Variants in AFF3 observed in about 807,000 individuals in gnomAD.
The protein encoded by AFF3 is ALF transcription elongation factor 3.
AFF3 carries 32 observed loss-of-function variants against 129.7 expected under a neutral mutation model. The ratio of observed to expected loss-of-function variants is 0.25; its 90% CI spans 0.19 to 0.33. The LOEUF (loss-of-function observed/expected upper bound fraction) is 0.33, where lower values mean the gene tolerates loss of function less well. Among genes scored for constraint, AFF3 ranks in the 10% least tolerant of loss-of-function variants. The pLI is 1.00. For missense variants in AFF3, 1,373 were observed against 1,592.0 expected (o/e 0.86, Z 2.34); for synonymous variants, 644 against 635.4 (o/e 1.01, Z -0.20).
intron 10 of AFF3, among the ~76,000 whole-genome samples, chr2:99,731,787 T>C (rs973873380): frequency 4.6e-5 from 7 of 152,226 alleles, no homozygotes; most frequent in African/African-American, 1.7e-4. Context: ...TGAGTGCAAA[T>C]GTTCCCGACA....
At chr2:99,997,023 C>T (rs1318603004) in intron 7 of AFF3, among the ~76,000 whole-genome samples, 2 of 152,138 alleles carry the variant, frequency 1.3e-5, no homozygotes, top group Non-Finnish European at 2.9e-5. Context: ...TCCTTCTCAT[C>T]AGACTGACCC....
In AFF3 at chr2:99,593,936, C is replaced by T. The variant is rs761191360; in HGVS notation, c.1725G>A (p.Ala575=). ...PAVPCAPAEN[A]PAPARRSAGK... ...CCGCGGACCTCCGGGCAGGCGCGGG[C>T]GCGTTCTCCGCGGGCGCACAGGGCA... Residue 575 remains alanine (A), a synonymous_variant, in exon 15 of 25, where the codon GCG becomes GCA. Transcript: ENST00000672756. The T allele has an allele frequency of 1.4e-6, 2 of 1,410,246 alleles. No individual in the cohort carries two copies. Among genetic ancestry groups the T allele is most frequent in the South Asian group, 1.6e-5 (1 of 62,846 alleles). 87.4% of individuals were successfully genotyped at this position (1,410,246 alleles called of 1,614,324 possible).
chr2:100,103,365 A>T (rs998666653), intron 4 of AFF3, among the ~76,000 whole-genome samples: 3 of 151,854 alleles, frequency 2.0e-5, no homozygotes, highest in African/African-American at 7.3e-5. Flanking sequence ...AGCGATTACC[A>T]GAGGCAGAAC....
rs534510640 is a variant in AFF3 at position 99,895,128 on chromosome 2, G to A, written c.874-57604C>T. ...TGTATAAGAAAGCACTGGGGTTGTT[G>A]ACAGTTTTTCTGTATATGAGTTGAT... On this transcript the variant is annotated intron_variant, in intron 7 of 24. Coordinates refer to ENST00000672756, the MANE Select transcript of AFF3 (RefSeq NM_001386135.1). Among the ~76,000 whole-genome samples, 4 of 152,284 alleles carry A rather than the reference G, an allele frequency of 2.6e-5. 1 individual carries two copies. In the South Asian group the frequency reaches 8.3e-4, roughly 32 times the overall value.
intron 7 of AFF3, among the ~76,000 whole-genome samples, chr2:99,896,586 G>A (rs1394880615): frequency 1.3e-5 from 1 of 77,286 alleles, no homozygotes; most frequent in Non-Finnish European, 2.6e-5. Flanking sequence ...TAGTCAAGAT[G>A]TTTCATTTGA....
chr2:99,961,719 G>A (rs1268617947), intron 7 of AFF3, among the ~76,000 whole-genome samples: 2 of 152,186 alleles, frequency 1.3e-5, no homozygotes, highest in African/African-American at 4.8e-5. Context: ...AAAGAGTAAG[G>A]TAAACTAGTC....
intron 7 of AFF3, among the ~76,000 whole-genome samples, chr2:99,993,325 A>G (rs1445024628): frequency 1.3e-5 from 2 of 152,342 alleles, no homozygotes; most frequent in East Asian, 3.9e-4. Context: ...ATAAGCAAAG[A>G]AAAGTTTAAT....
chr2:99,951,682 G>C (rs542780123), intron 7 of AFF3, among the ~76,000 whole-genome samples: 1 of 152,214 alleles, frequency 6.6e-6, no homozygotes, highest in South Asian at 2.1e-4. Context: ...TTTCACTCTT[G>C]TCCCCCAGGC....
Position 99,695,604 on chromosome 2 carries a change from C to T in AFF3, c.1092-23015G>A, listed in dbSNP as rs554996376. ...AGCCACCACAGTCAGGGCTGCCACA[C>T]AGGACAGACAGGGAGGGGCCGCCCT... is the stretch of plus-strand genomic sequence containing the variant. On this transcript the variant is annotated intron_variant, in intron 11 of 24. Coordinates refer to ENST00000672756, the MANE Select transcript of AFF3 (RefSeq NM_001386135.1). 2.6e-5 allele frequency among the ~76,000 whole-genome samples: 4 copies of T among 152,276 alleles called. No homozygotes were observed. In the East Asian group the frequency reaches 7.7e-4, roughly 29 times the overall value.
intron 4 of AFF3, among the ~76,000 whole-genome samples, chr2:100,024,161 G>A (rs992469557): frequency 2.0e-5 from 3 of 149,184 alleles, no homozygotes; most frequent in Non-Finnish European, 3.0e-5. Context: ...GAACCCGGGA[G>A]GCGGAGCTTG....
At chr2:100,043,401 C>A (rs1465865652) in intron 4 of AFF3, among the ~76,000 whole-genome samples, 6 of 152,178 alleles carry the variant, frequency 3.9e-5, no homozygotes, top group Non-Finnish European at 8.8e-5. Flanking sequence ...TACTCCCAGG[C>A]TTGAAGGCAT....
intron 4 of AFF3, among the ~76,000 whole-genome samples, chr2:100,076,450 C>T (rs1292220286): frequency 6.6e-6 from 1 of 152,200 alleles, no homozygotes; most frequent in Non-Finnish European, 1.5e-5. Context: ...ACATGGAAGG[C>T]AATGTGGTCA....
intron 12 of AFF3, among the ~76,000 whole-genome samples, chr2:99,666,474 G>C (rs1686686082): frequency 6.6e-6 from 1 of 152,084 alleles, no homozygotes; most frequent in South Asian, 2.1e-4. Context: ...GGAATACACA[G>C]AAAGGCAGGA....
Position 100,016,887 on chromosome 2 carries a change from A to ATGG in AFF3, c.54-7958_54-7956dup, listed in dbSNP as rs1213121211. On this transcript the variant is annotated intron_variant, in intron 4 of 24. Transcript: ENST00000672756. ...GATCGTGCTGGTGGTACTGATGGTG[A>ATGG]TGGTGGTGGTGGTGATGATATGGTG... Among the ~76,000 whole-genome samples, 129 of 148,978 alleles carry ATGG rather than the reference A, an allele frequency of 8.7e-4. 2 individuals are homozygous for ATGG. The highest frequency in any genetic ancestry group is 1.2e-4 in the Non-Finnish European group (8 of 67,228).
At chr2:100,019,226 C>T (rs924156799) in intron 4 of AFF3, among the ~76,000 whole-genome samples, 6 of 152,298 alleles carry the variant, frequency 3.9e-5, no homozygotes, top group Middle Eastern at 3.4e-3. Flanking sequence ...CCGAATCCAA[C>T]TCGACTTCTT....
rs139769302 is a variant in AFF3, at chr2:99,563,677, G to A, written c.3119+1810C>T. 4.7e-3 allele frequency among the ~76,000 whole-genome samples: 710 copies of A among 151,546 alleles called. 4 individuals are homozygous for A. Among genetic ancestry groups the A allele is most frequent in the African/African-American group, 0.017 (688 of 41,402 alleles). ...AATACAAAATTAGCTGGATGTGGTG[G>A]TGCATGCCTGTAATCCGAGCTACTG... On this transcript the variant is annotated intron_variant, in intron 20 of 24. Coordinates refer to ENST00000672756, the MANE Select transcript of AFF3 (RefSeq NM_001386135.1).
intron 7 of AFF3, among the ~76,000 whole-genome samples, chr2:99,849,941 T>C (rs999241378): frequency 6.6e-6 from 1 of 152,234 alleles, no homozygotes; most frequent in African/African-American, 2.4e-5. Context: ...ATGTCCTATA[T>C]GCTAAGGATT....
intron 8 of AFF3, among the ~76,000 whole-genome samples, chr2:99,760,578 T>C (rs555711118): frequency 1.3e-5 from 2 of 152,344 alleles, no homozygotes; most frequent in South Asian, 2.1e-4. Flanking sequence ...ACAAGGACAC[T>C]GATCCCACGT....
chr2:99,836,740 T>A (rs1343858384), intron 8 of AFF3, among the ~76,000 whole-genome samples: 2 of 151,986 alleles, frequency 1.3e-5, no homozygotes, highest in Non-Finnish European at 2.9e-5. Flanking sequence ...ATTCATACCA[T>A]CTGGCCTAAT....
Sources: allele counts gnomAD v4.1 joint callset (sites outside exome capture counted in the v4.1 genomes callset), GRCh38; gene constraint gnomAD v4.1.1; transcripts MANE v1.5; gene names NCBI Gene and HGNC (gene_info 2026-07-23, HGNC 2026-07-21).